The following SLC39A12 variants were observed in gnomAD, a reference collection of about 807,000 sequenced individuals.
SLC39A12 encodes the protein zinc transporter ZIP12.
Under a neutral mutation model 71.1 loss-of-function variants are expected in SLC39A12, and 63 were observed. The ratio of observed to expected loss-of-function variants is 0.89; its 90% CI spans 0.72 to 1.09. The LOEUF (loss-of-function observed/expected upper bound fraction) is 1.09. Ranked by LOEUF, SLC39A12 falls within the 50% of genes least tolerant of loss-of-function variation. The pLI, the probability that SLC39A12 is intolerant of heterozygous loss-of-function variation, is 0.00. For synonymous variants in SLC39A12, 351 were observed against 301.3 expected (o/e 1.16, Z -1.71); for missense variants, 892 against 812.6 (o/e 1.10, Z -1.19).
At chr10:17,960,735 T>A (rs691159) in intron 2 of SLC39A12, among the ~76,000 whole-genome samples, 108,272 of 152,168 alleles carry the variant, frequency 0.71, 39,151 homozygotes, top group African/African-American at 0.84. Flanking sequence ...ACTAGCCCGC[T>A]TGTAACTGTT....
Position 18,025,235 on chromosome 10 carries a change from TA to T in SLC39A12, c.1948-17469del, listed in dbSNP as rs568068152. ...TGGTTCTGTTTTCTCTTTTTATTTTTATTTTTTTTTATTATACTTTAAGTTT... is the reference window on the plus strand; with the variant it reads ...TGGTTCTGTTTTCTCTTTTTATTTTTTTTTTTTTTATTATACTTTAAGTTT... On this transcript the variant is annotated intron_variant, in intron 12 of 12. Coordinates refer to ENST00000377369, the MANE Select transcript of SLC39A12 (RefSeq NM_001145195.2). Among the ~76,000 whole-genome samples the T allele has an allele frequency of 9.2e-3, 525 of 56,774 alleles. 2 individuals are homozygous for T. The highest frequency in any genetic ancestry group is 0.062 in the African/African-American group (505 of 8,138). The allele number at this position is 56,774 out of a possible 152,430, so 37.2% of individuals were successfully genotyped here.
intron 6 of SLC39A12, among the ~76,000 whole-genome samples, chr10:17,987,071 G>T (rs1835417297): frequency 6.6e-6 from 1 of 152,158 alleles, no homozygotes; most frequent in African/African-American, 2.4e-5. Flanking sequence ...GCTTACAACT[G>T]TAATCCCAGC....
chr10:17,972,104 A>G (rs1244763299), intron 4 of SLC39A12, among the ~76,000 whole-genome samples: 4 of 151,868 alleles, frequency 2.6e-5, no homozygotes, highest in Admixed American at 2.0e-4. Context: ...GTCATTCAGG[A>G]GCTATTGTTT....
At chr10:18,004,849 G>A (rs74473625) in intron 12 of SLC39A12, among the ~76,000 whole-genome samples, 4,967 of 152,176 alleles carry the variant, frequency 0.033, 131 homozygotes, top group South Asian at 0.081. Flanking sequence ...GACAGACCGG[G>A]TAAAGAAAAC....
At chr10:17,955,158 G>A (rs990869376) in intron 2 of SLC39A12, among the ~76,000 whole-genome samples, 12 of 152,130 alleles carry the variant, frequency 7.9e-5, no homozygotes, top group African/African-American at 1.4e-4. Context: ...GTTTTGCCAG[G>A]GGGGAAGGTA....
chr10:17,974,247 C>T (rs948285327), intron 4 of SLC39A12, among the ~76,000 whole-genome samples: 1 of 152,076 alleles, frequency 6.6e-6, no homozygotes, highest in Non-Finnish European at 1.5e-5. Flanking sequence ...TCTGTTTCTC[C>T]AGAATTGTTG....
chr10:18,025,378 C>T (rs1176044333), intron 12 of SLC39A12, among the ~76,000 whole-genome samples: 2 of 152,010 alleles, frequency 1.3e-5, no homozygotes, highest in African/African-American at 4.8e-5. Context: ...TGCTATCCCT[C>T]CTCCCTCCCC....
Position 18,000,783 on chromosome 10 carries a change from A to G in SLC39A12, c.1717A>G (p.Thr573Ala). ...FSSSSESGVT[T>A]TIAILCHEIP... Reference sequence around the variant, plus strand: ...ATCATCATCCGAGTCAGGAGTGACCACTACGATTGCTATCTTGTGTCATGA... The same window carrying G: ...ATCATCATCCGAGTCAGGAGTGACCGCTACGATTGCTATCTTGTGTCATGA... The change falls in exon 11 of 13, where the codon ACT becomes GCT. Residue 573 changes from threonine (T) to alanine (A), a missense_variant. By Grantham distance (58) the Thr-to-Ala change is moderately conservative. Transcript: ENST00000377369. The G allele has an allele frequency of 2.5e-6, 4 of 1,614,146 alleles. No homozygotes were observed. The highest frequency in any genetic ancestry group is 2.2e-5 in the South Asian group (2 of 91,070).
At chr10:17,988,878 C>G (rs1297754306) in intron 7 of SLC39A12, among the ~76,000 whole-genome samples, 1 of 152,208 alleles carries the variant, frequency 6.6e-6, no homozygotes, top group East Asian at 1.9e-4. Context: ...CAATGCTTTC[C>G]TGCGATTGCC....
At chr10:18,038,338 G>A (rs1485247363) in intron 12 of SLC39A12, among the ~76,000 whole-genome samples, 3 of 152,022 alleles carry the variant, frequency 2.0e-5, no homozygotes, top group Non-Finnish European at 4.4e-5. Context: ...ATAAACTAAG[G>A]CTAGTGAGAA....
chr10:17,959,918 G>T (rs1554848174), intron 2 of SLC39A12, among the ~76,000 whole-genome samples: 1 of 152,256 alleles, frequency 6.6e-6, no homozygotes, highest in Non-Finnish European at 1.5e-5. Flanking sequence ...GCTTGTGAAC[G>T]AAATGGACAA....
intron 6 of SLC39A12, among the ~76,000 whole-genome samples, chr10:17,982,821 C>T (rs1474463180): frequency 6.6e-6 from 1 of 152,112 alleles, no homozygotes; most frequent in Admixed American, 6.6e-5. Context: ...ATTGTGTCTC[C>T]TCTCGAATGA....
intron 6 of SLC39A12, among the ~76,000 whole-genome samples, chr10:17,984,190 A>G (rs74118073): frequency 0.025 from 3,797 of 152,326 alleles, 138 homozygotes; most frequent in African/African-American, 0.083. Context: ...CCTGCAGTAA[A>G]TTAGCAGAGT....
chr10:17,991,673 A>C (rs2497754), intron 8 of SLC39A12, among the ~76,000 whole-genome samples: 135,427 of 152,194 alleles, frequency 0.89, 60,299 homozygotes, highest in Non-Finnish European at 0.9. Flanking sequence ...AATCACATGT[A>C]ATTTTCTGTC....
At chr10:18,028,990 G>C (rs1184820146) in intron 12 of SLC39A12, among the ~76,000 whole-genome samples, 1 of 151,950 alleles carries the variant, frequency 6.6e-6, no homozygotes, top group Admixed American at 6.6e-5. Context: ...AAAGTGCTGG[G>C]ATTACAGGCG....
intron 12 of SLC39A12, among the ~76,000 whole-genome samples, chr10:18,009,904 T>C (rs887678447): frequency 6.6e-6 from 1 of 152,242 alleles, no homozygotes; most frequent in Non-Finnish European, 1.5e-5. Context: ...TCTACACTTA[T>C]TGTAGGTCAG....
At chr10:17,958,360 A>T (rs1834602513) in intron 2 of SLC39A12, among the ~76,000 whole-genome samples, 2 of 152,138 alleles carry the variant, frequency 1.3e-5, no homozygotes, top group African/African-American at 4.8e-5. Context: ...AAACAACCTG[A>T]GTAGCACTTG....
intron 12 of SLC39A12, among the ~76,000 whole-genome samples, chr10:18,015,580 C>A (rs1188596081): frequency 6.6e-6 from 1 of 151,932 alleles, no homozygotes; most frequent in Non-Finnish European, 1.5e-5. Context: ...TCTAGTTTGG[C>A]CTTAGACATC....
intron 11 of SLC39A12, 66 bp downstream of exon 11, chr10:18,000,891 G>A (rs1835815918): frequency 2.1e-6 from 3 of 1,429,610 alleles, no homozygotes; most frequent in South Asian, 2.6e-5. Context: ...TTCCAGCTAT[G>A]GTTTACTAGG....
Sources: gnomAD v4.1 joint callset for allele counts (sites outside exome capture counted in the v4.1 genomes callset) on GRCh38, gnomAD v4.1.1 for gene constraint, MANE v1.5 for transcripts, NCBI Gene and HGNC (gene_info 2026-07-23, HGNC 2026-07-21) for gene names.